Variants in SPAG1 observed in about 807,000 individuals in gnomAD.
SPAG1 encodes the protein sperm associated antigen 1.
In SPAG1, 69 loss-of-function variants were observed where a neutral mutation model predicts 100.5. The observed-to-expected ratio is 0.69, with a 90% confidence interval of 0.57 to 0.84. SPAG1 has a LOEUF of 0.84. Among genes scored for constraint, SPAG1 ranks in the 40% least tolerant of loss-of-function variants. SPAG1 has a pLI of 0.00. For missense variants in SPAG1, 955 were observed against 1,133.1 expected (o/e 0.84, Z 2.26); for synonymous variants, 336 against 411.6 (o/e 0.82, Z 2.22).
At chr8:100,166,120 G>A (rs371150596) in intron 3 of SPAG1, 147 bp downstream of exon 3, 9 of 619,316 alleles carry the variant, frequency 1.5e-5, no homozygotes, top group African/African-American at 9.3e-5. Context: ...TACACCCAGG[G>A]GAACATTGCG....
intron 4 of SPAG1, 102 bp from the exon 5 acceptor site, chr8:100,183,273 T>C: frequency 1.7e-6 from 1 of 582,302 alleles, no homozygotes; most frequent in South Asian, 2.1e-5. Flanking sequence ...GCACCTGGCT[T>C]CCATTTGTAT....
chr8:100,230,866 C>T (rs1818738311), intron 14 of SPAG1, among the ~76,000 whole-genome samples: 1 of 152,100 alleles, frequency 6.6e-6, no homozygotes, highest in African/African-American at 2.4e-5. Flanking sequence ...GGTGATCCGC[C>T]CGCCTCGGCC....
chr8:100,204,227 T>G lies in SPAG1; in HGVS notation c.1097-8863T>G, dbSNP rs1325762714. On this transcript the variant is annotated intron_variant, in intron 10 of 18. Coordinates refer to ENST00000388798, the MANE Select transcript of SPAG1 (RefSeq NM_003114.5). ...TCCTCAGAAGCCACCCCCAACAACC[T>G]TGTTTGCTTCTAGACCTATAACTAG... Among the ~76,000 whole-genome samples the G allele has an allele frequency of 2.6e-5, 4 of 152,066 alleles. No homozygotes were observed. The East Asian group carries it at 7.7e-4, about 29-fold the overall frequency.
chr8:100,222,516 A>G (rs1162885136), intron 13 of SPAG1, among the ~76,000 whole-genome samples: 1 of 152,136 alleles, frequency 6.6e-6, no homozygotes, highest in African/African-American at 2.4e-5. Context: ...GTTGCTTTTA[A>G]TTCGCCCCAT....
chr8:100,172,610 A>T (rs1030588011), intron 3 of SPAG1, among the ~76,000 whole-genome samples: 4 of 150,226 alleles, frequency 2.7e-5, no homozygotes, highest in Admixed American at 6.6e-5. Context: ...ACAGAGCTAG[A>T]CTCTGCCTAA....
At chr8:100,233,389 G>T in intron 15 of SPAG1, 22 bp from the exon 16 acceptor site, 3 of 1,612,264 alleles carry the variant, frequency 1.9e-6, no homozygotes, top group South Asian at 2.2e-5. Context: ...TCATAATACT[G>T]AGTTCCATTG....
chr8:100,233,349 T>C, intron 15 of SPAG1, 62 bp from the exon 16 acceptor site: 1 of 1,592,502 alleles, frequency 6.3e-7, no homozygotes, highest in Non-Finnish European at 8.6e-7. Flanking sequence ...CTTAGCTGTC[T>C]AAAACTTACA....
In SPAG1 at chr8:100,239,005, T is replaced by C. The variant is rs1376412386; in HGVS notation, c.2116-235T>C. Among the ~76,000 whole-genome samples, 1 of 152,216 alleles carries C rather than the reference T, an allele frequency of 6.6e-6. No homozygotes were observed. The highest frequency in any genetic ancestry group is 2.4e-5 in the African/African-American group (1 of 41,452). On this transcript the variant is annotated intron_variant, in intron 16 of 18. Transcript: ENST00000388798. The surrounding 1 kb of genome is among the most constrained non-coding windows in gnomAD (Gnocchi z 5.0). ...AGGTTGTGGTGATACAGAATTTAAC[T>C]TGCGTTTTCTAACTCCAGATCCTGT...
chr8:100,218,163 G>T (rs1818094692), intron 12 of SPAG1, among the ~76,000 whole-genome samples: 1 of 152,238 alleles, frequency 6.6e-6, no homozygotes, highest in South Asian at 2.1e-4. Flanking sequence ...GGTCTTAACT[G>T]TGTTACCTTG....
At chr8:100,177,746 A>G in intron 3 of SPAG1, 70 bp from the exon 4 acceptor site, 2 of 929,874 alleles carry the variant, frequency 2.2e-6, no homozygotes, top group Non-Finnish European at 3.2e-6. Flanking sequence ...TCAAGGGTCA[A>G]CTATAGTTCT....
chr8:100,235,845 T>TC (rs983471500), intron 16 of SPAG1, among the ~76,000 whole-genome samples: 1 of 151,806 alleles, frequency 6.6e-6, no homozygotes, highest in Admixed American at 6.6e-5. Flanking sequence ...CCGCCGGCCC[T>TC]CTTTTTTTTT....
At chr8:100,209,248 A>T (rs1022331226) in intron 10 of SPAG1, among the ~76,000 whole-genome samples, 174 of 151,828 alleles carry the variant, frequency 1.1e-3, no homozygotes, top group African/African-American at 4.1e-3. Flanking sequence ...TAGACAGCCT[A>T]TTGTGGGACC....
chr8:100,179,878 G>A (rs1816291355), intron 4 of SPAG1, among the ~76,000 whole-genome samples: 1 of 152,212 alleles, frequency 6.6e-6, no homozygotes, highest in South Asian at 2.1e-4. Context: ...TTCCTGGAAT[G>A]CTGTTTTTAC....
At position 100,184,701 on chromosome 8, in the gene SPAG1, A is replaced by G. The variant is rs35592493; in HGVS notation, c.669A>G (p.Gly223=). The change falls in exon 7 of 19, where the codon GGA becomes GGG. Residue 223 remains glycine (G), a synonymous_variant. Coordinates refer to ENST00000388798, the MANE Select transcript of SPAG1 (RefSeq NM_003114.5). ...KEKGNEAFNS[G]DYEEAVMYYT... is the part of the protein sequence containing the mutation. ...AAGGAAATGAAGCTTTCAACTCAGG[A>G]GATTATGAAGAAGCAGTGATGTATT... 18,931 of 1,588,374 alleles carry G rather than the reference A, an allele frequency of 0.012. 868 individuals are homozygous for G. Among genetic ancestry groups the G allele is most frequent in the East Asian group, 0.11 (4,788 of 43,154 alleles).
At chr8:100,177,579 C>A (rs902841998) in intron 3 of SPAG1, among the ~76,000 whole-genome samples, 1 of 152,040 alleles carries the variant, frequency 6.6e-6, no homozygotes, top group Non-Finnish European at 1.5e-5. Flanking sequence ...ATATTTTATG[C>A]ATTCATGAAA....
intron 13 of SPAG1, among the ~76,000 whole-genome samples, chr8:100,222,497 G>A (rs923577896): frequency 5.3e-5 from 8 of 152,160 alleles, no homozygotes; most frequent in South Asian, 2.1e-4. Flanking sequence ...GTGCTTTGGG[G>A]CATTGTTTGT....
At position 100,220,549 on chromosome 8, in the gene SPAG1, G is replaced by A. The variant is rs183794938; in HGVS notation, c.1688+118G>A. The A allele has an allele frequency of 0.036, 29,134 of 801,674 alleles. 642 individuals carry two copies. Among genetic ancestry groups the A allele is most frequent in the South Asian group, 0.045 (2,457 of 54,150 alleles). 49.7% of individuals were successfully genotyped at this position (801,674 alleles called of 1,614,324 possible). ...TATCAGTTACTTTTATCACCTGAAT[G>A]ATTGCCTTCTTTTATTCCATTACAT... is the stretch of plus-strand genomic sequence containing the variant. On this transcript the variant is annotated intron_variant, in intron 13 of 18. Transcript: ENST00000388798.
chr8:100,216,736 T>A (rs1185655676), intron 12 of SPAG1, among the ~76,000 whole-genome samples: 1 of 152,166 alleles, frequency 6.6e-6, no homozygotes, highest in Non-Finnish European at 1.5e-5. Context: ...GGGGTGATTT[T>A]ACACTAAAGC....
intron 1 of SPAG1, chr8:100,158,971 C>CAA (rs200265948): frequency 0.23 from 23,511 of 103,216 alleles, 2,090 homozygotes; most frequent in South Asian, 0.29. Context: ...CTTGATTAGT[C>CAA]AAAAAAAAAA....
Sources: allele counts gnomAD v4.1 joint callset (sites outside exome capture counted in the v4.1 genomes callset), GRCh38; gene constraint gnomAD v4.1.1; non-coding constraint Gnocchi (gnomAD v3.1); transcripts MANE v1.5; gene names NCBI Gene and HGNC (gene_info 2026-07-23, HGNC 2026-07-21).